GPR146: variants seen among roughly 807,000 people sequenced by gnomAD.
GPR146 encodes G-protein coupled receptor 146.
For missense variants in GPR146, 381 were observed against 213.9 expected (o/e 1.78, Z -4.87); for synonymous variants, 203 against 104.3 (o/e 1.95, Z -5.77).
intron 1 of GPR146, among the ~76,000 whole-genome samples, chr7:1,050,647 G>A (rs1286339699): frequency 6.6e-6 from 1 of 152,226 alleles, no homozygotes; most frequent in Non-Finnish European, 1.5e-5. Context: ...GGCTTGGAAC[G>A]CCGCAGCCTA....
chr7:1,058,016 C>G lies in GPR146; in HGVS notation c.501C>G (p.Ile167Met), dbSNP rs1307216726. The G allele has an allele frequency of 5.2e-6, 4 of 769,846 alleles. No homozygotes were observed. In the African/African-American group the frequency reaches 6.8e-5, roughly 13 times the overall value. The allele number at this position is 769,846 out of a possible 1,614,324, so 47.7% of individuals were successfully genotyped here. The part of the protein sequence containing the change: ...LTSFSSLLFY[I>M]CSHVSTRALE... ...GCTTCTCCTCGCTGCTCTTCTACAT[C>G]TGCAGCCATGTGTCCACCCGCGCGC... Residue 167 changes from isoleucine (I) to methionine (M), a missense_variant, in exon 2 of 2, where the codon ATC (isoleucine) becomes ATG (methionine). By Grantham distance (10) the Ile-to-Met change is conservative. Transcript: ENST00000444847.
chr7:1,053,566 G>A (rs184550859), intron 1 of GPR146, among the ~76,000 whole-genome samples: 19 of 152,332 alleles, frequency 1.2e-4, no homozygotes, highest in African/African-American at 3.4e-4. Context: ...GGTGGCTCAC[G>A]TCTGTAATCC....
In GPR146 at chr7:1,058,810, G is replaced by T; in HGVS notation, c.*293G>T. The T allele has an allele frequency of 2.3e-6, 1 of 430,714 alleles. No individual in the cohort carries two copies. Among genetic ancestry groups the T allele is most frequent in the Non-Finnish European group, 4.3e-6 (1 of 232,724 alleles). 26.7% of individuals were successfully genotyped at this position (430,714 alleles called of 1,614,324 possible). A position where few individuals can be genotyped will look rare whatever the true frequency, so the allele number is the denominator to read the frequency against. ...CTTCAGCCTCCTCAGCATTCAGTTTGTCAATGAAGTGATGAAAGCTTAGAG... is the reference window on the plus strand; with the variant it reads ...CTTCAGCCTCCTCAGCATTCAGTTTTTCAATGAAGTGATGAAAGCTTAGAG... On this transcript the variant is annotated 3_prime_UTR_variant, in exon 2 of 2. Transcript: ENST00000444847.
At chr7:1,048,200 G>A (rs1782760144) in intron 1 of GPR146, among the ~76,000 whole-genome samples, 2 of 152,202 alleles carry the variant, frequency 1.3e-5, no homozygotes, top group African/African-American at 4.8e-5. Flanking sequence ...GCAAAAGACA[G>A]TGTGAAAGAG....
At chr7:1,047,795 C>A (rs1782718745) in intron 1 of GPR146, among the ~76,000 whole-genome samples, 1 of 152,196 alleles carries the variant, frequency 6.6e-6, no homozygotes. Context: ...TGTCCGGGGA[C>A]AATAAGAAGC....
At chr7:1,048,460 G>A (rs1192686078) in intron 1 of GPR146, among the ~76,000 whole-genome samples, 1 of 152,056 alleles carries the variant, frequency 6.6e-6, no homozygotes, top group Non-Finnish European at 1.5e-5. Context: ...ACAGGGACCC[G>A]GGTGCCTCTC....
At chr7:1,049,056 C>T (rs964093001) in intron 1 of GPR146, among the ~76,000 whole-genome samples, 1 of 152,256 alleles carries the variant, frequency 6.6e-6, no homozygotes, top group African/African-American at 2.4e-5. Context: ...TGAGCGTGCG[C>T]TCCCCAGGCC....
At chr7:1,051,559 TA>T (rs1480523035) in intron 1 of GPR146, among the ~76,000 whole-genome samples, 1 of 152,246 alleles carries the variant, frequency 6.6e-6, no homozygotes, top group Admixed American at 6.5e-5. Flanking sequence ...CTTGAAGCTG[TA>T]AAGACCTCTC....
rs777152897 is a variant in GPR146 at position 1,057,522 on chromosome 7, A to G, written c.7A>G (p.Ser3Gly). The G allele has an allele frequency of 5.2e-6, 4 of 768,814 alleles. No homozygotes were observed. The highest frequency in any genetic ancestry group is 7.3e-6 in the Non-Finnish European group (3 of 413,582). The allele number at this position is 768,814 out of a possible 1,614,324, so 47.6% of individuals were successfully genotyped here. The stretch of plus-strand genomic sequence containing the variant: ...CGGAGCCTCGCCGGCCGCCATGTGG[A>G]GCTGCAGCTGGTTCAACGGCACAGG... MW[S>G]CSWFNGTGLV... The change falls in exon 2 of 2, where the codon AGC (serine) becomes GGC (glycine). Residue 3 changes from serine to glycine, a missense_variant. Physicochemically the swap from Ser to Gly is moderately conservative, Grantham distance 56. Coordinates refer to ENST00000444847, the MANE Select transcript of GPR146 (RefSeq NM_001303473.2).
At chr7:1,055,543 G>A (rs1055414640) in intron 1 of GPR146, 2 of 428,604 alleles carry the variant, frequency 4.7e-6, no homozygotes, top group Non-Finnish European at 9.4e-6. Flanking sequence ...GTGCAGTACA[G>A]GCAGGAGAGG....
rs1177929564 is a variant in GPR146, at chr7:1,052,103, G to A, written c.-24-5389G>A. 1.3e-5 allele frequency among the ~76,000 whole-genome samples: 2 copies of A among 152,256 alleles called. No homozygotes were observed. Among genetic ancestry groups the A allele is most frequent in the African/African-American group, 4.8e-5 (2 of 41,476 alleles). ...CTTGGACAGCTGAGGCCCAGGCAGG[G>A]CCAGCTCCTTCCACCTTCCCAGCCA... is the stretch of plus-strand genomic sequence containing the variant. On this transcript the variant is annotated intron_variant, in intron 1 of 1. Coordinates refer to ENST00000444847, the MANE Select transcript of GPR146 (RefSeq NM_001303473.2). The surrounding 1 kb of genome is among the most constrained non-coding windows in gnomAD (Gnocchi z 4.2).
intron 1 of GPR146, among the ~76,000 whole-genome samples, chr7:1,053,349 C>G (rs562936352): frequency 6.6e-6 from 1 of 152,242 alleles, no homozygotes; most frequent in Non-Finnish European, 1.5e-5. Flanking sequence ...GAACCTTGCG[C>G]AGGACAGGAC....
At chr7:1,049,191 C>G (rs1157704540) in intron 1 of GPR146, among the ~76,000 whole-genome samples, 1 of 152,218 alleles carries the variant, frequency 6.6e-6, no homozygotes, top group African/African-American at 2.4e-5. Flanking sequence ...GTCACCCCCA[C>G]CCTGCCCCAC....
intron 1 of GPR146, among the ~76,000 whole-genome samples, chr7:1,055,677 C>T (rs1289255822): frequency 1.3e-5 from 2 of 152,168 alleles, no homozygotes. Context: ...ACTGAGGGGT[C>T]CCGGCCCTTG....
At chr7:1,049,434 C>T (rs886399866) in intron 1 of GPR146, among the ~76,000 whole-genome samples, 3 of 152,236 alleles carry the variant, frequency 2.0e-5, no homozygotes, top group Non-Finnish European at 4.4e-5. Context: ...AACCGAGGCA[C>T]ACAGCAAGGA....
intron 1 of GPR146, among the ~76,000 whole-genome samples, chr7:1,046,559 C>G (rs139101720): frequency 2.2e-4 from 33 of 152,310 alleles, no homozygotes; most frequent in African/African-American, 7.9e-4. Context: ...ACAGGGAACC[C>G]AGTCTGGAGA....
At chr7:1,051,671 G>C (rs1470113250) in intron 1 of GPR146, among the ~76,000 whole-genome samples, 3 of 152,156 alleles carry the variant, frequency 2.0e-5, no homozygotes, top group South Asian at 4.1e-4. Context: ...TTTTATGAGA[G>C]TTATTTAAAA....
At position 1,057,825 on chromosome 7, in the gene GPR146, G is replaced by A. The variant is rs1368859085; in HGVS notation, c.310G>A (p.Ala104Thr). 2.6e-6 allele frequency: 2 copies of A among 777,440 alleles called. No individual in the cohort carries two copies. The highest frequency in any genetic ancestry group is 2.4e-6 in the Non-Finnish European group (1 of 418,028). 48.2% of individuals were successfully genotyped at this position (777,440 alleles called of 1,614,324 possible). A position where few individuals can be genotyped will look rare whatever the true frequency, so the allele number is the denominator to read the frequency against. ...LWSVGGEVHV[A>T]LQIPFNVSSL... ...GAGTGTGGGCGGCGAAGTCCACGTG[G>A]CACTGCAGATCCCCTTCAATGTGTC... The change falls in exon 2 of 2, where the codon GCA becomes ACA. Residue 104 changes from alanine (A) to threonine (T), a missense_variant. Ala to Thr is a moderately conservative substitution (Grantham distance 58, BLOSUM62 0). Transcript: ENST00000444847.
At chr7:1,053,794 T>C (rs549491737) in intron 1 of GPR146, among the ~76,000 whole-genome samples, 1 of 152,124 alleles carries the variant, frequency 6.6e-6, no homozygotes, top group East Asian at 1.9e-4. Flanking sequence ...GCCACTGCAC[T>C]CCAGCCTGGG....
Sources: gnomAD v4.1 joint callset for allele counts (sites outside exome capture counted in the v4.1 genomes callset) on GRCh38, gnomAD v4.1.1 for gene constraint, Gnocchi (gnomAD v3.1) non-coding constraint, MANE v1.5 for transcripts, NCBI Gene and HGNC (gene_info 2026-07-23, HGNC 2026-07-21) for gene names.